The following NMU variants were observed in gnomAD, a reference collection of about 807,000 sequenced individuals.
NMU encodes the protein neuromedin U, also known as neuromedin-U.
Under a neutral mutation model 35.4 loss-of-function variants are expected in NMU, and 29 were observed. That is an observed-to-expected ratio of 0.82 (90% CI 0.61 to 1.12). The LOEUF (loss-of-function observed/expected upper bound fraction) is 1.12, where lower values mean the gene tolerates loss of function less well. Among genes scored for constraint, NMU ranks in the 50% most tolerant of loss-of-function variants. The probability of loss-of-function intolerance (pLI) is 0.00; values close to 1 mark genes in which losing one functional copy is unlikely to be tolerated. For synonymous variants in NMU, 78 were observed against 81.3 expected (o/e 0.96, Z 0.22); for missense variants, 199 against 206.2 (o/e 0.97, Z 0.21).
chr4:55,612,457 A>T (rs2110196884), intron 3 of NMU, among the ~76,000 whole-genome samples: 3 of 152,304 alleles, frequency 2.0e-5, no homozygotes, highest in Middle Eastern at 3.4e-3. Flanking sequence ...AATACAAAAC[A>T]ATAAGAAGAA....
At chr4:55,600,323 AAAG>A (rs1365278367) in intron 8 of NMU, among the ~76,000 whole-genome samples, 196 bp downstream of exon 8, 2 of 152,162 alleles carry the variant, frequency 1.3e-5, no homozygotes, top group East Asian at 3.9e-4. Context: ...GCAATAGGTC[AAAG>A]AAGAGATCAG....
chr4:55,634,900 A>C (rs572433204), intron 1 of NMU, among the ~76,000 whole-genome samples: 2 of 151,912 alleles, frequency 1.3e-5, no homozygotes, highest in Admixed American at 6.6e-5. Flanking sequence ...TCACACACAC[A>C]CCCCCCTCCA....
intron 1 of NMU, among the ~76,000 whole-genome samples, chr4:55,633,134 C>T (rs561236550): frequency 6.6e-6 from 1 of 151,896 alleles, no homozygotes; most frequent in Non-Finnish European, 1.5e-5. Flanking sequence ...ACGATCCTGG[C>T]TAACATGGTG....
chr4:55,631,580 T>A (rs183431239), intron 1 of NMU, among the ~76,000 whole-genome samples: 3 of 152,292 alleles, frequency 2.0e-5, no homozygotes, highest in Admixed American at 2.0e-4. Context: ...TCAGCATCAC[T>A]AATCATCAGG....
chr4:55,597,953 G>GAATTACTGACAA (rs1321092616), intron 9 of NMU, among the ~76,000 whole-genome samples: 1 of 151,208 alleles, frequency 6.6e-6, no homozygotes, highest in Non-Finnish European at 1.5e-5. Context: ...TTTTTGTAAA[G>GAATTACTGACAA]AATTACTGAC....
At chr4:55,601,181 T>G (rs1733409238) in intron 7 of NMU, among the ~76,000 whole-genome samples, 1 of 152,126 alleles carries the variant, frequency 6.6e-6, no homozygotes, top group South Asian at 2.1e-4. Context: ...ATAATAAGTA[T>G]ATCTTTTTCT....
chr4:55,631,837 C>T lies in NMU; in HGVS notation c.113-1377G>A, dbSNP rs1021791132. Among the ~76,000 whole-genome samples the T allele has an allele frequency of 2.1e-5, 3 of 145,264 alleles. 1 individual carries two copies. Among genetic ancestry groups the T allele is most frequent in the Non-Finnish European group, 1.5e-5 (1 of 66,038 alleles). The stretch of plus-strand genomic sequence containing the variant: ...GGTATCCATCCAAAGGAAAAGAAGT[C>T]ATTATATGAAAAAGACACATGCACA... On this transcript the variant is annotated intron_variant, in intron 1 of 9. Coordinates refer to ENST00000264218, the MANE Select transcript of NMU (RefSeq NM_006681.4).
At chr4:55,598,415 T>C (rs1251843135) in intron 9 of NMU, among the ~76,000 whole-genome samples, 1 of 152,214 alleles carries the variant, frequency 6.6e-6, no homozygotes, top group Non-Finnish European at 1.5e-5. Context: ...CAGCATAAAA[T>C]CTGGATTTAG....
chr4:55,599,161 T>C lies in NMU; in HGVS notation c.510A>G (p.Ser170=). ...FLFRPRNGRR[S]AGFI is the part of the protein sequence containing the mutation. ...ACATACCATTTTAAATGAACCCTGC[T>C]GACCTTCTTCCATTCCGTGGCTGAA... The change falls in exon 9 of 10, where the codon TCA becomes TCG. Residue 170 remains serine, a synonymous_variant. Transcript: ENST00000264218. 1.2e-6 allele frequency: 2 copies of C among 1,606,858 alleles called. No homozygotes were observed. Among genetic ancestry groups the C allele is most frequent in the Non-Finnish European group, 1.7e-6 (2 of 1,173,492 alleles).
chr4:55,595,492 A>G (rs1733129024), intron 9 of NMU, 81 bp from the exon 10 acceptor site: 1 of 149,660 alleles, frequency 6.7e-6, no homozygotes. Flanking sequence ...AGACATTTCT[A>G]TAAATATTTT....
chr4:55,605,977 G>A (rs1464139311), intron 6 of NMU, among the ~76,000 whole-genome samples: 2 of 152,148 alleles, frequency 1.3e-5, no homozygotes, highest in Non-Finnish European at 2.9e-5. Context: ...TGATATGGCT[G>A]CATTTTTTAA....
intron 3 of NMU, among the ~76,000 whole-genome samples, chr4:55,613,544 GA>G (rs765418785): frequency 2.0e-5 from 3 of 152,118 alleles, no homozygotes; most frequent in Non-Finnish European, 4.4e-5. Flanking sequence ...AATGTTTTGA[GA>G]AAATAATGAC....
At chr4:55,618,714 T>C (rs1038113787) in intron 2 of NMU, among the ~76,000 whole-genome samples, 6 of 139,082 alleles carry the variant, frequency 4.3e-5, no homozygotes, top group African/African-American at 7.7e-5. Flanking sequence ...TTCTTTTTCT[T>C]TCTTCTCTCT....
chr4:55,595,432 A>G (rs1487973251), intron 9 of NMU, 21 bp from the exon 10 acceptor site: 3 of 151,580 alleles, frequency 2.0e-5, no homozygotes, highest in Non-Finnish European at 2.9e-5. Context: ...AGAAAAATTG[A>G]ATTAAAGTGT....
At chr4:55,602,046 A>G (rs1424428453) in intron 7 of NMU, among the ~76,000 whole-genome samples, 1 of 152,134 alleles carries the variant, frequency 6.6e-6, no homozygotes, top group Non-Finnish European at 1.5e-5. Context: ...ATATTATATT[A>G]AAGAGAAAAA....
At chr4:55,636,300 A>G, upstream of NMU, 1 of 1,351,916 alleles carries the variant, frequency 7.4e-7, no homozygotes. The surrounding 1 kb of genome is among the most constrained non-coding windows in gnomAD (Gnocchi z 4.0). Context: ...CACAGGACTG[A>G]GCGCCCGGCG....
intron 4 of NMU, among the ~76,000 whole-genome samples, chr4:55,607,828 T>C (rs964389155): frequency 1.9e-4 from 29 of 152,224 alleles, no homozygotes; most frequent in Admixed American, 1.0e-3. Context: ...ATATTTTTAC[T>C]GTTTATCACT....
At chr4:55,598,099 T>TG (rs1733270161) in intron 9 of NMU, among the ~76,000 whole-genome samples, 1 of 145,062 alleles carries the variant, frequency 6.9e-6, no homozygotes, top group Non-Finnish European at 1.5e-5. Flanking sequence ...GTTTTTTTTT[T>TG]TTTTTTTTTT....
chr4:55,631,855 C>A (rs906003671), intron 1 of NMU, among the ~76,000 whole-genome samples: 1 of 119,190 alleles, frequency 8.4e-6, no homozygotes, highest in African/African-American at 3.0e-5. Context: ...GAAAAAGACA[C>A]ATGCACACAC....
Sources: gnomAD v4.1 joint callset for allele counts (sites outside exome capture counted in the v4.1 genomes callset) on GRCh38, gnomAD v4.1.1 for gene constraint, Gnocchi (gnomAD v3.1) non-coding constraint, MANE v1.5 for transcripts, NCBI Gene and HGNC (gene_info 2026-07-23, HGNC 2026-07-21) for gene names.